Variants in OPCML observed in about 807,000 individuals in gnomAD.
OPCML encodes the protein opioid binding protein/cell adhesion molecule like.
A neutral mutation model predicts 37.8 loss-of-function variants in OPCML; 13 were observed. That is an observed-to-expected ratio of 0.34 (90% CI 0.22 to 0.55). The LOEUF (loss-of-function observed/expected upper bound fraction) is 0.55, where lower values mean the gene tolerates loss of function less well. Among genes scored for constraint, OPCML ranks in the 20% least tolerant of loss-of-function variants. OPCML has a pLI of 0.91. For missense variants in OPCML, 341 were observed against 435.6 expected (o/e 0.78, Z 1.93); for synonymous variants, 176 against 168.8 (o/e 1.04, Z -0.33).
intron 2 of OPCML, among the ~76,000 whole-genome samples, chr11:132,716,424 A>G (rs1036562034): frequency 3.7e-5 from 3 of 80,688 alleles, no homozygotes; most frequent in Non-Finnish European, 5.1e-5. Context: ...CTATCTATCT[A>G]TCTATCTATC....
chr11:132,442,444 C>T (rs897161658), intron 4 of OPCML, among the ~76,000 whole-genome samples: 1 of 152,176 alleles, frequency 6.6e-6, no homozygotes, highest in Non-Finnish European at 1.5e-5. Flanking sequence ...TTTATTGCCT[C>T]AGCCAATTCC....
At chr11:132,664,448 C>A (rs1942136169) in intron 2 of OPCML, among the ~76,000 whole-genome samples, 1 of 152,122 alleles carries the variant, frequency 6.6e-6, no homozygotes, top group Non-Finnish European at 1.5e-5. Context: ...TATCTTGTAA[C>A]TTTTTGGTTT....
chr11:133,281,606 T>C (rs1411177221), intron 1 of OPCML, among the ~76,000 whole-genome samples: 2 of 151,994 alleles, frequency 1.3e-5, no homozygotes, highest in Non-Finnish European at 2.9e-5. Context: ...GGTGTTGGCA[T>C]AGAGATGCCT....
chr11:132,680,977 C>A (rs987417536), intron 2 of OPCML, among the ~76,000 whole-genome samples: 1 of 152,224 alleles, frequency 6.6e-6, no homozygotes, highest in Non-Finnish European at 1.5e-5. Flanking sequence ...GGCCATGAAG[C>A]TGCTGAGTAA....
At chr11:133,493,148 C>A (rs1184817237) in intron 1 of OPCML, among the ~76,000 whole-genome samples, 1 of 152,178 alleles carries the variant, frequency 6.6e-6, no homozygotes, top group Non-Finnish European at 1.5e-5. Context: ...ATGACCTTGC[C>A]CCCCAGAAGG....
At chr11:133,415,749 G>A (rs547089934) in intron 1 of OPCML, among the ~76,000 whole-genome samples, 8 of 152,278 alleles carry the variant, frequency 5.3e-5, no homozygotes, top group African/African-American at 1.4e-4. Context: ...CAATGTAATC[G>A]CATGAATCCT....
intron 2 of OPCML, among the ~76,000 whole-genome samples, chr11:132,675,050 G>C (rs890359207): frequency 1.3e-5 from 2 of 151,934 alleles, no homozygotes; most frequent in African/African-American, 4.8e-5. Flanking sequence ...CCTACAGAAA[G>C]ACAGGCCATC....
chr11:133,008,748 T>A, intron 1 of OPCML: 1 of 326,906 alleles, frequency 3.1e-6, no homozygotes, highest in Non-Finnish European at 4.4e-6. Context: ...ACTGCAACAA[T>A]GTCCACTATT....
At chr11:132,810,852 C>T (rs1408299410) in intron 2 of OPCML, 1 of 152,128 alleles carries the variant, frequency 6.6e-6, no homozygotes, top group African/African-American at 2.4e-5. Context: ...AGTCTTTATA[C>T]CGCCCATTCT....
At chr11:133,116,148 T>C (rs1949330134) in intron 1 of OPCML, among the ~76,000 whole-genome samples, 1 of 152,124 alleles carries the variant, frequency 6.6e-6, no homozygotes, top group African/African-American at 2.4e-5. Flanking sequence ...TTTGTATTTT[T>C]AGTAGAGACA....
intron 2 of OPCML, among the ~76,000 whole-genome samples, chr11:132,761,425 C>T (rs544259153): frequency 2.6e-5 from 4 of 152,108 alleles, no homozygotes; most frequent in East Asian, 1.9e-4. Flanking sequence ...CCATTTTCCC[C>T]GTCAGTTTCA....
At chr11:133,376,151 T>C (rs1944798821) in intron 1 of OPCML, among the ~76,000 whole-genome samples, 1 of 152,102 alleles carries the variant, frequency 6.6e-6, no homozygotes, top group South Asian at 2.1e-4. Context: ...TCAGATTCAG[T>C]AAGAGATCAT....
intron 1 of OPCML, among the ~76,000 whole-genome samples, chr11:133,151,496 G>A (rs887844051): frequency 8.6e-5 from 13 of 152,004 alleles, no homozygotes; most frequent in African/African-American, 3.1e-4. Context: ...AGCTAGAAGA[G>A]CCTGTATCAA....
intron 4 of OPCML, among the ~76,000 whole-genome samples, chr11:132,470,506 G>A (rs374879769): frequency 2.6e-5 from 4 of 152,140 alleles, no homozygotes; most frequent in Admixed American, 1.3e-4. Context: ...ATATCTACTA[G>A]ACACTCAATA....
Position 132,800,021 on chromosome 11 carries a change from C to T in OPCML, c.147-142702G>A, listed in dbSNP as rs921218768. 2.6e-5 allele frequency among the ~76,000 whole-genome samples: 4 copies of T among 152,176 alleles called. No homozygotes were observed. The South Asian group carries it at 8.3e-4, about 32-fold the overall frequency. ...ATCTTGACCAATTTGGTAACTATTG[C>T]CTTTTTAACAATATTAAGTCTTTCA... On this transcript the variant is annotated intron_variant, in intron 2 of 7. Transcript: ENST00000524381.
intron 3 of OPCML, among the ~76,000 whole-genome samples, chr11:132,606,979 G>A (rs1053986066): frequency 1.3e-5 from 2 of 152,146 alleles, no homozygotes; most frequent in Non-Finnish European, 2.9e-5. Context: ...AGTTCCATGA[G>A]TATGTGTGGC....
chr11:133,181,570 C>T (rs1937835494), intron 1 of OPCML, among the ~76,000 whole-genome samples: 1 of 152,154 alleles, frequency 6.6e-6, no homozygotes, highest in Admixed American at 6.5e-5. Context: ...GTGATCCTTC[C>T]TTCCTTCCTC....
At chr11:133,396,409 CT>C (rs1945287159) in intron 1 of OPCML, among the ~76,000 whole-genome samples, 1 of 151,978 alleles carries the variant, frequency 6.6e-6, no homozygotes, top group South Asian at 2.1e-4. Flanking sequence ...CTAGCTAGGA[CT>C]TCCTGTCACT....
At chr11:132,633,170 C>G (rs1485530539) in intron 3 of OPCML, among the ~76,000 whole-genome samples, 2 of 152,112 alleles carry the variant, frequency 1.3e-5, no homozygotes, top group African/African-American at 2.4e-5. Flanking sequence ...ACAGAGCACC[C>G]AACTGTTGGT....
Sources: gnomAD v4.1 joint callset for allele counts (sites outside exome capture counted in the v4.1 genomes callset) on GRCh38, gnomAD v4.1.1 for gene constraint, MANE v1.5 for transcripts, NCBI Gene and HGNC (gene_info 2026-07-23, HGNC 2026-07-21) for gene names.